The following ART1 variants were observed in gnomAD, a reference collection of about 807,000 sequenced individuals.
The protein encoded by ART1 is GPI-linked NAD(P)(+)--arginine ADP-ribosyltransferase 1.
In ART1, 29 loss-of-function variants were observed where a neutral mutation model predicts 27.0. That is an observed-to-expected ratio of 1.08 (90% CI 0.80 to 1.47). The LOEUF (loss-of-function observed/expected upper bound fraction) is 1.47, where lower values mean the gene tolerates loss of function less well. Among genes scored for constraint, ART1 ranks in the 40% most tolerant of loss-of-function variants. ART1 has a pLI of 0.00. For synonymous variants in ART1, 201 were observed against 172.2 expected (o/e 1.17, Z -1.31); for missense variants, 480 against 423.0 (o/e 1.13, Z -1.18).
chr11:3,648,381 T>G (rs2077487212), intron 1 of ART1, among the ~76,000 whole-genome samples: 1 of 152,166 alleles, frequency 6.6e-6, no homozygotes, highest in African/African-American at 2.4e-5. Flanking sequence ...CTTTGCTCTG[T>G]GAGAAAGACC....
At chr11:3,648,562 C>T (rs1194835930) in intron 1 of ART1, among the ~76,000 whole-genome samples, 1 of 152,196 alleles carries the variant, frequency 6.6e-6, no homozygotes, top group Non-Finnish European at 1.5e-5. Flanking sequence ...CTCTTAATTT[C>T]AATTCCTTTC....
chr11:3,648,150 A>G (rs566784760), intron 1 of ART1, among the ~76,000 whole-genome samples: 139 of 151,442 alleles, frequency 9.2e-4, no homozygotes, highest in Admixed American at 2.6e-3. Context: ...TTTGACTGTA[A>G]TTTTCCTTTA....
chr11:3,660,539 G>C (rs1055728860), intron 3 of ART1, among the ~76,000 whole-genome samples, 176 bp downstream of exon 3: 1 of 152,206 alleles, frequency 6.6e-6, no homozygotes, highest in African/African-American at 2.4e-5. Context: ...TCTGAGGGGT[G>C]CACTTACTGC....
Position 3,661,377 on chromosome 11 carries a change from A to G in ART1, c.850A>G (p.Lys284Glu). The G allele has an allele frequency of 6.2e-7, 1 of 1,612,554 alleles. No homozygotes were observed. The highest frequency in any genetic ancestry group is 8.5e-7 in the Non-Finnish European group (1 of 1,179,464). Residue 284 changes from lysine (K) to glutamate (E), a missense_variant, in exon 4 of 5, where the codon AAG becomes GAG. Transcript: ENST00000250693. ...TTACTGTTTCTTTTCTATAGACAAG[A>G]AGTGCAAGTCTGGGCCTTGCCATCT... ...TYNCEYIKDK[K>E]CKSGPCHLDN...
chr11:3,647,305 A>G (rs1315189760), intron 1 of ART1, among the ~76,000 whole-genome samples: 2 of 131,838 alleles, frequency 1.5e-5, no homozygotes, highest in African/African-American at 3.0e-5. Context: ...CTGGGCAACG[A>G]GCAAAACTCC....
intron 1 of ART1, among the ~76,000 whole-genome samples, chr11:3,647,449 A>G (rs189153569): frequency 6.6e-6 from 1 of 152,264 alleles, no homozygotes; most frequent in Non-Finnish European, 1.5e-5. Context: ...CAGCTTGGTC[A>G]ACATGGCAAA....
At chr11:3,651,380 C>A (rs926842825) in intron 1 of ART1, among the ~76,000 whole-genome samples, 3 of 150,572 alleles carry the variant, frequency 2.0e-5, no homozygotes, top group Non-Finnish European at 2.9e-5. Flanking sequence ...TGGCATAATT[C>A]TCATAAAAAC....
At chr11:3,660,788 T>C (rs2077614345) in intron 3 of ART1, among the ~76,000 whole-genome samples, 1 of 152,056 alleles carries the variant, frequency 6.6e-6, no homozygotes, top group Non-Finnish European at 1.5e-5. Flanking sequence ...ATTTATGAGA[T>C]GGAAGAGGAA....
chr11:3,658,334 GAA>G (rs565452996), intron 1 of ART1, among the ~76,000 whole-genome samples: 7 of 128,414 alleles, frequency 5.5e-5, no homozygotes, highest in Admixed American at 1.6e-4. Context: ...CTTGGTCTCG[GAA>G]AAAAAAAAAA....
intron 1 of ART1, among the ~76,000 whole-genome samples, chr11:3,652,002 A>G (rs1565040049): frequency 6.6e-6 from 1 of 151,358 alleles, no homozygotes; most frequent in Non-Finnish European, 1.5e-5. Flanking sequence ...GCCTCTTAGA[A>G]CCTCTCATTT....
chr11:3,660,477 A>C, intron 3 of ART1, 114 bp downstream of exon 3: 1 of 1,245,326 alleles, frequency 8.0e-7, no homozygotes, highest in Non-Finnish European at 1.1e-6. Context: ...ACATAAATAC[A>C]AGTCATATCC....
chr11:3,650,840 G>A (rs1437236388), intron 1 of ART1, among the ~76,000 whole-genome samples: 2 of 127,572 alleles, frequency 1.6e-5, no homozygotes, highest in East Asian at 4.2e-4. Flanking sequence ...ACAAGTATAA[G>A]GCACCTCTAC....
At chr11:3,656,277 G>A (rs553499000) in intron 1 of ART1, among the ~76,000 whole-genome samples, 4 of 152,034 alleles carry the variant, frequency 2.6e-5, no homozygotes, top group African/African-American at 9.7e-5. Context: ...TCAACCTCCT[G>A]GTCTCAAGCA....
intron 4 of ART1, among the ~76,000 whole-genome samples, chr11:3,663,091 C>CAT: frequency 1.0e-5 from 1 of 97,520 alleles, no homozygotes; most frequent in East Asian, 2.9e-4. Flanking sequence ...CTCATCTCAT[C>CAT]ATCTCATCTC....
rs1276700021 is a variant in ART1 at position 3,660,141 on chromosome 11, G to C, written c.622G>C (p.Val208Leu). 1.2e-6 allele frequency: 2 copies of C among 1,613,968 alleles called. No homozygotes were observed. The highest frequency in any genetic ancestry group is 1.7e-5 in the Admixed American group (1 of 60,022). ...GGFASASLKHVAAQQFGEDTF... is the reference protein window; with the variant it reads ...GGFASASLKHLAAQQFGEDTF... ...CTTTGCTTCTGCCTCCCTGAAGCAT[G>C]TTGCAGCCCAGCAGTTTGGTGAGGA... The change falls in exon 3 of 5, where the codon GTT becomes CTT. Residue 208 changes from valine (V) to leucine (L), a missense_variant. Coordinates refer to ENST00000250693, the MANE Select transcript of ART1 (RefSeq NM_004314.3).
chr11:3,652,135 GC>G lies in ART1; in HGVS notation c.-53+6961del, dbSNP rs1344604482. ...CCCTACACATCAAGCTCGAGGATTT[GC>G]CCCCACCCAGGACGGGCAAATTAGC... On this transcript the variant is annotated intron_variant, in intron 1 of 4. Coordinates refer to ENST00000250693, the MANE Select transcript of ART1 (RefSeq NM_004314.3). Among the ~76,000 whole-genome samples, 595 of 148,174 alleles carry G rather than the reference GC, an allele frequency of 4.0e-3. 2 individuals carry two copies. The highest frequency in any genetic ancestry group is 0.014 in the African/African-American group (569 of 39,978).
rs1554883211 is a variant in ART1, at chr11:3,663,033, A to ATCATCTCATCTCATCTCATC, written c.887-1033_887-1014dup. Among the ~76,000 whole-genome samples, 258 of 82,372 alleles carry ATCATCTCATCTCATCTCATC rather than the reference A, an allele frequency of 3.1e-3. 14 individuals are homozygous for ATCATCTCATCTCATCTCATC. Among genetic ancestry groups the ATCATCTCATCTCATCTCATC allele is most frequent in the African/African-American group, 7.5e-3 (156 of 20,850 alleles). The allele number at this position is 82,372 out of a possible 152,430, so 54.0% of individuals were successfully genotyped here. ...TCATCTCATCATCTCATCTCATCTC[A>ATCATCTCATCTCATCTCATC]TCATCTCATCTCATCTCATCTCATC... is the stretch of plus-strand genomic sequence containing the variant. On this transcript the variant is annotated intron_variant, in intron 4 of 4. Transcript: ENST00000250693.
intron 1 of ART1, among the ~76,000 whole-genome samples, chr11:3,653,154 C>T (rs532294053): frequency 1.3e-5 from 2 of 148,376 alleles, no homozygotes; most frequent in Non-Finnish European, 1.5e-5. Flanking sequence ...CACACCACCC[C>T]CAAAAATTTT....
chr11:3,663,129 CTCATCTCATCTCA>C (rs1564787114), intron 4 of ART1, among the ~76,000 whole-genome samples: 1 of 147,562 alleles, frequency 6.8e-6, no homozygotes, highest in African/African-American at 2.6e-5. Flanking sequence ...CTCATCTCAT[CTCATCTCATCTCA>C]TCATCATCTC....
Sources: allele counts gnomAD v4.1 joint callset (sites outside exome capture counted in the v4.1 genomes callset), GRCh38; gene constraint gnomAD v4.1.1; transcripts MANE v1.5; gene names NCBI Gene and HGNC (gene_info 2026-07-23, HGNC 2026-07-21).